The following LCOR variants were observed in gnomAD, a reference collection of about 807,000 sequenced individuals.
LCOR encodes the protein ligand dependent nuclear receptor corepressor, also known as ligand-dependent corepressor.
A neutral mutation model predicts 64.4 loss-of-function variants in LCOR; 14 were observed. The ratio of observed to expected loss-of-function variants is 0.22; its 90% confidence interval spans 0.14 to 0.34. The LOEUF (loss-of-function observed/expected upper bound fraction) is 0.34. Ranked by LOEUF, LCOR falls within the 10% of genes least tolerant of loss-of-function variation. The probability of loss-of-function intolerance (pLI) is 1.00; values close to 1 mark genes in which losing one functional copy is unlikely to be tolerated. For missense variants in LCOR, 1,686 were observed against 1,765.3 expected, an observed-to-expected ratio of 0.96 and a Z score of 0.80; for synonymous variants, 643 against 642.5, an observed-to-expected ratio of 1.00 and a Z score of -0.01.
intron 4 of LCOR, among the ~76,000 whole-genome samples, chr10:96,943,133 T>C (rs1236435898): frequency 1.3e-5 from 2 of 152,340 alleles, no homozygotes; most frequent in Middle Eastern, 3.4e-3. Flanking sequence ...AAAGTCTTGC[T>C]GTGTCACCCA....
At chr10:96,854,765 C>A (rs1057207576) in intron 2 of LCOR, among the ~76,000 whole-genome samples, 1 of 152,106 alleles carries the variant, frequency 6.6e-6, no homozygotes, top group Admixed American at 6.5e-5. Context: ...AAAAATAATT[C>A]ACAGATGTAC....
intron 2 of LCOR, among the ~76,000 whole-genome samples, chr10:96,850,683 C>T (rs1224272905): frequency 6.6e-6 from 1 of 152,080 alleles, no homozygotes; most frequent in Non-Finnish European, 1.5e-5. Flanking sequence ...CCCTTGAGCT[C>T]AAGCAGTCCT....
rs1848176435 is a variant in LCOR at position 96,989,406 on chromosome 10, A to C, written c.*4272A>C. The C allele has an allele frequency of 6.6e-6, 1 of 152,118 alleles. No individual in the cohort carries two copies. The highest frequency in any genetic ancestry group is 2.4e-5 in the African/African-American group (1 of 41,396). The allele number at this position is 152,118 out of a possible 1,614,324, so 9.4% of individuals were successfully genotyped here. On this transcript the variant is annotated 3_prime_UTR_variant, in exon 8 of 8. Coordinates refer to ENST00000421806, the MANE Select transcript of LCOR (RefSeq NM_001346516.2). ...TTGGACTTTTAGTCCTCTGAATGTC[A>C]CATTTAGATATGGAAAATGTTTTTT... is the stretch of plus-strand genomic sequence containing the variant.
At chr10:96,911,940 CTTTT>C (rs370366571) in intron 4 of LCOR, among the ~76,000 whole-genome samples, 3 of 151,186 alleles carry the variant, frequency 2.0e-5, no homozygotes, top group Non-Finnish European at 1.5e-5. Flanking sequence ...TTCTTTCTTT[CTTTT>C]TTTTTGTGAG....
At chr10:96,980,168 A>C (rs541259950) in intron 7 of LCOR, among the ~76,000 whole-genome samples, 8,291 of 152,126 alleles carry the variant, frequency 0.055, 758 homozygotes, top group African/African-American at 0.19. Context: ...AAAACAAAAA[A>C]AAAAAACTGT....
chr10:96,953,550 C>CCAAAACAAAA lies in LCOR; in HGVS notation c.332+1370_332+1379dup, dbSNP rs113122469. On this transcript the variant is annotated intron_variant, in intron 7 of 7. Coordinates refer to ENST00000421806, the MANE Select transcript of LCOR (RefSeq NM_001346516.2). ...TGGGTGACAGAGCCAGACCTTGTCTCCAAAACAAAACAAAACAAAACAAAA... is the reference window on the plus strand; with the variant it reads ...TGGGTGACAGAGCCAGACCTTGTCTCCAAAACAAAACAAAACAAAACAAAACAAAACAAAA... 3.7e-3 allele frequency among the ~76,000 whole-genome samples: 557 copies of CCAAAACAAAA among 151,332 alleles called. 5 individuals carry two copies. The highest frequency in any genetic ancestry group is 0.013 in the African/African-American group (532 of 41,076).
At chr10:96,940,161 C>CAGAACCCT (rs1240184453) in intron 4 of LCOR, among the ~76,000 whole-genome samples, 2 of 152,118 alleles carry the variant, frequency 1.3e-5, no homozygotes, top group African/African-American at 4.8e-5. Flanking sequence ...GTGGAGAAGT[C>CAGAACCCT]AGAACCCTTA....
intron 2 of LCOR, among the ~76,000 whole-genome samples, chr10:96,887,765 C>T (rs1444622196): frequency 1.3e-5 from 2 of 151,184 alleles, no homozygotes; most frequent in Non-Finnish European, 2.9e-5. Context: ...ACTGCAACCT[C>T]TGCCTCCTGG....
At position 96,981,230 on chromosome 10, in the gene LCOR, C is replaced by T. The variant is rs1038669957; in HGVS notation, c.770C>T (p.Ser257Phe). Reference protein sequence around the residue: ...SSELPTTKSNSINSSSVDSFT... With the variant: ...SSELPTTKSNFINSSSVDSFT... Reference sequence around the variant, plus strand: ...GAACTTCCAACCACTAAATCGAATTCTATTAATAGCAGTTCAGTGGATAGT... The same window carrying T: ...GAACTTCCAACCACTAAATCGAATTTTATTAATAGCAGTTCAGTGGATAGT... The change falls in exon 8 of 8, where the codon TCT (serine) becomes TTT (phenylalanine). Residue 257 changes from serine to phenylalanine, a missense_variant. By Grantham distance (155) the Ser-to-Phe change is radical. Around this residue, in one of 3 missense-constraint regions of LCOR, gnomAD observed 313 missense variants for 247.2 expected, o/e 1.27. Transcript: ENST00000421806. 9 of 842,752 alleles carry T rather than the reference C, an allele frequency of 1.1e-5. No individual in the cohort carries two copies. The African/African-American group carries it at 1.3e-4, about 13-fold the overall frequency. 52.2% of individuals were successfully genotyped at this position (842,752 alleles called of 1,614,324 possible). A position where few individuals can be genotyped will look rare whatever the true frequency, so the allele number is the denominator to read the frequency against.
Position 96,842,138 on chromosome 10 carries a change from G to A in LCOR, c.-330+8659G>A, listed in dbSNP as rs138033414. On this transcript the variant is annotated intron_variant, in intron 2 of 7. Coordinates refer to ENST00000421806, the MANE Select transcript of LCOR (RefSeq NM_001346516.2). ...AGGCCAGGCACAGTGGCTCATGCCT[G>A]TAATCCCAGCACTTTGGGAGGCCGA... 2.0e-4 allele frequency among the ~76,000 whole-genome samples: 30 copies of A among 151,292 alleles called. No homozygotes were observed. The East Asian group carries it at 5.8e-3, about 29-fold the overall frequency.
intron 7 of LCOR, chr10:96,956,985 T>C (rs1847794101): frequency 4.1e-6 from 4 of 985,092 alleles, no homozygotes; most frequent in Admixed American, 6.2e-5. Flanking sequence ...GCCTCAGTAG[T>C]CTGCCCAGTG....
At chr10:96,886,982 T>G (rs1441528901) in intron 2 of LCOR, among the ~76,000 whole-genome samples, 2 of 152,212 alleles carry the variant, frequency 1.3e-5, no homozygotes, top group African/African-American at 4.8e-5. Flanking sequence ...ATGGATTGAT[T>G]TGATCCTTCA....
intron 4 of LCOR, among the ~76,000 whole-genome samples, chr10:96,927,470 CAATG>C (rs1264666405): frequency 2.0e-5 from 3 of 151,352 alleles, no homozygotes; most frequent in Non-Finnish European, 2.9e-5. Flanking sequence ...TTTTTTATCT[CAATG>C]AAGTTTATCA....
intron 4 of LCOR, among the ~76,000 whole-genome samples, chr10:96,914,052 AC>A (rs894680397): frequency 1.3e-5 from 2 of 150,904 alleles, no homozygotes; most frequent in African/African-American, 4.8e-5. Context: ...GATAATAGAT[AC>A]CTTTCAGTGC....
intron 2 of LCOR, among the ~76,000 whole-genome samples, chr10:96,849,510 AG>A (rs1289234398): frequency 5.9e-5 from 9 of 152,292 alleles, no homozygotes; most frequent in African/African-American, 1.7e-4. Flanking sequence ...ACGCCCAGCC[AG>A]GTTGAGCGTC....
intron 7 of LCOR, among the ~76,000 whole-genome samples, chr10:96,973,780 T>C (rs1848016983): frequency 6.6e-6 from 1 of 152,222 alleles, no homozygotes; most frequent in Non-Finnish European, 1.5e-5. Flanking sequence ...ATTGATCTTT[T>C]TTCAGTCAAG....
intron 4 of LCOR, among the ~76,000 whole-genome samples, chr10:96,930,189 A>G (rs1000452106): frequency 3.3e-5 from 5 of 152,216 alleles, no homozygotes; most frequent in Admixed American, 6.5e-5. Flanking sequence ...AAGACACGGT[A>G]TCTGCCAAGT....
chr10:96,981,318 A>T lies in LCOR; in HGVS notation c.858A>T (p.Lys286Asn). 3.8e-6 allele frequency: 6 copies of T among 1,598,292 alleles called. No homozygotes were observed. Among genetic ancestry groups the T allele is most frequent in the Non-Finnish European group, 5.1e-6 (6 of 1,167,440 alleles). The change falls in exon 8 of 8, where the codon AAA (lysine) becomes AAT (asparagine). Residue 286 changes from lysine (K) to asparagine (N), a missense_variant. Transcript: ENST00000421806. Reference protein sequence around the residue: ...CSSVNFHHIPKILEGQTTGQE... With the variant: ...CSSVNFHHIPNILEGQTTGQE... ...CAGTGAACTTCCACCACATCCCTAA[A>T]ATCTTGGAGGGGCAGACCACTGGAC...
chr10:96,837,806 G>A (rs1397434887), intron 2 of LCOR, among the ~76,000 whole-genome samples: 1 of 152,206 alleles, frequency 6.6e-6, no homozygotes, highest in African/African-American at 2.4e-5. Context: ...TTTCTTCCCT[G>A]GCTTGCAGTC....
Sources: allele counts gnomAD v4.1 joint callset (sites outside exome capture counted in the v4.1 genomes callset), GRCh38; gene constraint gnomAD v4.1.1; regional missense constraint gnomAD v4.1.1; transcripts MANE v1.5; gene names NCBI Gene and HGNC (gene_info 2026-07-23, HGNC 2026-07-21).